Variants in DOK5 observed in about 807,000 individuals in gnomAD.
DOK5 encodes the protein downstream of tyrosine kinase 5.
DOK5 carries 27 observed loss-of-function variants against 43.3 expected under a neutral mutation model. The ratio of observed to expected loss-of-function variants is 0.62; its 90% CI spans 0.46 to 0.86. The LOEUF (loss-of-function observed/expected upper bound fraction) is 0.86, where lower values mean the gene tolerates loss of function less well. Among genes scored for constraint, DOK5 ranks in the 40% least tolerant of loss-of-function variants. The probability of loss-of-function intolerance (pLI) is 0.00; values close to 1 mark genes in which losing one functional copy is unlikely to be tolerated. For synonymous variants in DOK5, 146 were observed against 140.1 expected, an observed-to-expected ratio of 1.04 and a Z score of -0.30; for missense variants, 373 against 392.9, an observed-to-expected ratio of 0.95 and a Z score of 0.43.
chr20:54,602,956 C>T (rs1313314908), intron 5 of DOK5, among the ~76,000 whole-genome samples: 1 of 152,206 alleles, frequency 6.6e-6, no homozygotes, highest in Non-Finnish European at 1.5e-5. Flanking sequence ...CAGGCATGAG[C>T]CACCGCGCCC....
At position 54,604,722 on chromosome 20, in the gene DOK5, C is replaced by T. The variant is rs115145132; in HGVS notation, c.600-5666C>T. 4.5e-3 allele frequency among the ~76,000 whole-genome samples: 692 copies of T among 152,116 alleles called. 10 individuals are homozygous for T. The highest frequency in any genetic ancestry group is 0.015 in the African/African-American group (624 of 41,504). ...GCTTACCTTAAATATACATGTTGGC[C>T]GGGCACGGTGGCTCATGCCTGTAAT... On this transcript the variant is annotated intron_variant, in intron 5 of 7. Coordinates refer to ENST00000262593, the MANE Select transcript of DOK5 (RefSeq NM_018431.5).
At chr20:54,551,990 G>C (rs1225314151) in intron 1 of DOK5, among the ~76,000 whole-genome samples, 1 of 152,100 alleles carries the variant, frequency 6.6e-6, no homozygotes, top group East Asian at 1.9e-4. Flanking sequence ...ACCACTCCCA[G>C]CTAATTTTTA....
chr20:54,582,934 C>T (rs910511875), intron 2 of DOK5, among the ~76,000 whole-genome samples: 2 of 151,846 alleles, frequency 1.3e-5, no homozygotes, highest in Non-Finnish European at 2.9e-5. Context: ...TGCTCTGTTT[C>T]TAGTTCCTTG....
intron 1 of DOK5, among the ~76,000 whole-genome samples, chr20:54,503,009 T>C (rs1027859405): frequency 1.2e-4 from 19 of 152,190 alleles, no homozygotes; most frequent in Admixed American, 9.8e-4. Flanking sequence ...TGATCTACAG[T>C]ATGCACAGAA....
intron 6 of DOK5, among the ~76,000 whole-genome samples, chr20:54,621,911 TGGGCTGG>T (rs1471593141): frequency 6.6e-6 from 1 of 151,888 alleles, no homozygotes; most frequent in Non-Finnish European, 1.5e-5. Context: ...AGAAGCTAAA[TGGGCTGG>T]GCACTGCAGC....
chr20:54,607,810 G>A (rs1348066348), intron 5 of DOK5, among the ~76,000 whole-genome samples: 1 of 152,100 alleles, frequency 6.6e-6, no homozygotes, highest in African/African-American at 2.4e-5. Context: ...TTGAACCCGG[G>A]AGGTGGAGGT....
chr20:54,505,805 G>A (rs73276909), intron 1 of DOK5, among the ~76,000 whole-genome samples: 4,996 of 152,210 alleles, frequency 0.033, 276 homozygotes, highest in African/African-American at 0.11. Flanking sequence ...AAAAGGACAA[G>A]AGCCTTGAGG....
chr20:54,538,503 A>T (rs918317094), intron 1 of DOK5, among the ~76,000 whole-genome samples: 5 of 152,214 alleles, frequency 3.3e-5, no homozygotes, highest in Non-Finnish European at 7.3e-5. Flanking sequence ...ACAATACAAG[A>T]AGGAACCTTG....
At chr20:54,628,267 G>A (rs539716894) in intron 6 of DOK5, among the ~76,000 whole-genome samples, 74 of 151,698 alleles carry the variant, frequency 4.9e-4, no homozygotes, top group African/African-American at 1.6e-3. Context: ...AAATTAGCCC[G>A]GCGTGGTGGC....
At chr20:54,646,221 A>G (rs1444043922) in intron 7 of DOK5, among the ~76,000 whole-genome samples, 2 of 146,468 alleles carry the variant, frequency 1.4e-5, no homozygotes, top group African/African-American at 5.1e-5. Flanking sequence ...TTACTACCTT[A>G]ATACTGTTAT....
chr20:54,490,536 A>G (rs2146667283), intron 1 of DOK5, among the ~76,000 whole-genome samples: 1 of 152,218 alleles, frequency 6.6e-6, no homozygotes, highest in East Asian at 1.9e-4. Flanking sequence ...TGAATGTTGC[A>G]TTTATGTTGT....
At chr20:54,541,332 C>T (rs1452360246) in intron 1 of DOK5, among the ~76,000 whole-genome samples, 15 of 152,180 alleles carry the variant, frequency 9.9e-5, no homozygotes, top group Admixed American at 9.8e-4. Context: ...CCTTTCCTGC[C>T]CTACGGTACC....
chr20:54,628,635 A>G (rs1978425050), intron 6 of DOK5, among the ~76,000 whole-genome samples: 1 of 152,046 alleles, frequency 6.6e-6, no homozygotes, highest in South Asian at 2.1e-4. Context: ...TCTGTTCCAG[A>G]GGAACTGGTT....
intron 1 of DOK5, among the ~76,000 whole-genome samples, chr20:54,553,693 G>A (rs1224127332): frequency 6.6e-6 from 1 of 150,640 alleles, no homozygotes; most frequent in Non-Finnish European, 1.5e-5. Context: ...TGAGGAGTTT[G>A]AGTCCAGCCT....
chr20:54,593,571 A>G (rs1272135858), intron 5 of DOK5, among the ~76,000 whole-genome samples: 1 of 152,200 alleles, frequency 6.6e-6, no homozygotes, highest in Non-Finnish European at 1.5e-5. Flanking sequence ...TTATGCCTGT[A>G]ATCCAAGCAC....
At chr20:54,568,549 C>T (rs945425091) in intron 2 of DOK5, among the ~76,000 whole-genome samples, 1 of 152,102 alleles carries the variant, frequency 6.6e-6, no homozygotes, top group African/African-American at 2.4e-5. Context: ...ATCTACTAAT[C>T]GGTTTACATT....
Position 54,587,743 on chromosome 20 carries a change from GGAGA to G in DOK5, c.175-733_175-730del, listed in dbSNP as rs888713586. On this transcript the variant is annotated intron_variant, in intron 2 of 7. Transcript: ENST00000262593. ...GCCAAGGAATTATGGGAGAGAGGGAGGAGAGAGAGAACGTCTAGTGGGGATGGCT... is the reference window on the plus strand; with the variant it reads ...GCCAAGGAATTATGGGAGAGAGGGAGGAGAGAACGTCTAGTGGGGATGGCT... Among the ~76,000 whole-genome samples the G allele has an allele frequency of 8.5e-5, 13 of 152,110 alleles. 1 individual carries two copies. In the East Asian group the frequency reaches 1.3e-3, roughly 16 times the overall value.
intron 5 of DOK5, among the ~76,000 whole-genome samples, chr20:54,594,433 T>C (rs1399018202): frequency 2.6e-5 from 4 of 152,042 alleles, no homozygotes; most frequent in Non-Finnish European, 5.9e-5. Flanking sequence ...CTATAGAAAA[T>C]GAATAATTTT....
intron 1 of DOK5, among the ~76,000 whole-genome samples, chr20:54,509,124 C>T (rs563499458): frequency 8.1e-4 from 123 of 152,322 alleles, no homozygotes; most frequent in Non-Finnish European, 3.4e-4. Context: ...GATCCACTTG[C>T]CTTGGCCTCC....
Sources: gnomAD v4.1 joint callset for allele counts (sites outside exome capture counted in the v4.1 genomes callset) on GRCh38, gnomAD v4.1.1 for gene constraint, MANE v1.5 for transcripts, NCBI Gene and HGNC (gene_info 2026-07-23, HGNC 2026-07-21) for gene names.